The following UBE2E2 variants were observed in gnomAD, a reference collection of about 807,000 sequenced individuals.
The protein encoded by UBE2E2 is ubiquitin-conjugating enzyme E2 E2.
In UBE2E2, 6 loss-of-function variants were observed where a neutral mutation model predicts 24.7. The observed-to-expected ratio is 0.24, with a 90% CI of 0.13 to 0.48. The LOEUF (loss-of-function observed/expected upper bound fraction) is 0.48, where lower values mean the gene tolerates loss of function less well. Among genes scored for constraint, UBE2E2 ranks in the 20% least tolerant of loss-of-function variants. The pLI is 0.99. For missense variants in UBE2E2, 169 were observed against 245.0 expected (o/e 0.69, Z 2.07); for synonymous variants, 104 against 83.6 (o/e 1.24, Z -1.33).
intron 3 of UBE2E2, among the ~76,000 whole-genome samples, chr3:23,286,235 A>G (rs543146705): frequency 6.6e-6 from 1 of 152,314 alleles, no homozygotes; most frequent in South Asian, 2.1e-4. Context: ...GGTATTACTC[A>G]GGAAATCTTT....
Position 23,544,590 on chromosome 3 carries a change from A to G in UBE2E2, c.508+11889A>G, listed in dbSNP as rs528257509. On this transcript the variant is annotated intron_variant, in intron 5 of 5. Transcript: ENST00000396703. ...TGTGGTGTGAAGGGAATGCTTGTAC[A>G]CTGCTGGTGGGAATGTAAATTAGTA... Among the ~76,000 whole-genome samples the G allele has an allele frequency of 2.0e-5, 3 of 152,294 alleles. No individual in the cohort carries two copies. The East Asian group carries it at 5.8e-4, about 29-fold the overall frequency.
intron 3 of UBE2E2, among the ~76,000 whole-genome samples, chr3:23,393,124 G>A (rs1313047611): frequency 6.6e-6 from 1 of 152,198 alleles, no homozygotes; most frequent in Non-Finnish European, 1.5e-5. Flanking sequence ...TATGTGGGGA[G>A]CACAACCAGA....
intron 3 of UBE2E2, among the ~76,000 whole-genome samples, chr3:23,243,906 T>A (rs531368280): frequency 6.6e-6 from 1 of 152,256 alleles, no homozygotes; most frequent in South Asian, 2.1e-4. Flanking sequence ...TGCCTTAGGA[T>A]CGTTCTTTTA....
chr3:23,560,465 C>G lies in UBE2E2; in HGVS notation c.508+27764C>G, dbSNP rs559146311. On this transcript the variant is annotated intron_variant, in intron 5 of 5. Coordinates refer to ENST00000396703, the MANE Select transcript of UBE2E2 (RefSeq NM_152653.4). ...CCACATTTTCTTAATCCAGTCCATC[C>G]TTGATGGACATTTGGGTTGGTTCCA... Among the ~76,000 whole-genome samples the G allele has an allele frequency of 9.2e-5, 14 of 152,094 alleles. No homozygotes were observed. In the South Asian group the frequency reaches 2.5e-3, roughly 27 times the overall value.
intron 4 of UBE2E2, among the ~76,000 whole-genome samples, chr3:23,521,555 A>G (rs1038449086): frequency 6.6e-6 from 1 of 152,238 alleles, no homozygotes. Flanking sequence ...GCCCCACATA[A>G]TGGTTGTTAA....
At position 23,507,679 on chromosome 3, in the gene UBE2E2, G is replaced by T. The variant is rs562260285; in HGVS notation, c.360+7939G>T. Among the ~76,000 whole-genome samples, 191 of 152,274 alleles carry T rather than the reference G, an allele frequency of 1.3e-3. 1 individual carries two copies. The highest frequency in any genetic ancestry group is 4.2e-3 in the African/African-American group (173 of 41,546). On this transcript the variant is annotated intron_variant, in intron 4 of 5. Coordinates refer to ENST00000396703, the MANE Select transcript of UBE2E2 (RefSeq NM_152653.4). ...ATCTCCAATTATAGAGAAGGTTGAG[G>T]TTGCTTATATCCCTGGAAGAAGGAA...
At chr3:23,567,296 G>T (rs1451216996) in intron 5 of UBE2E2, among the ~76,000 whole-genome samples, 2 of 152,210 alleles carry the variant, frequency 1.3e-5, no homozygotes, top group African/African-American at 4.8e-5. Context: ...GGCTGAGGCA[G>T]GGGTAGGGGA....
At position 23,561,327 on chromosome 3, in the gene UBE2E2, G is replaced by A. The variant is rs200156340; in HGVS notation, c.509-28407G>A. ...TTCTCAGCACCATTTGTTAAATAGG[G>A]AATCCTTTCCCCATTTCTTGTTTTT... On this transcript the variant is annotated intron_variant, in intron 5 of 5. Transcript: ENST00000396703. Among the ~76,000 whole-genome samples, 215 of 152,254 alleles carry A rather than the reference G, an allele frequency of 1.4e-3. 5 individuals carry two copies. The East Asian group carries it at 0.015, about 11-fold the overall frequency.
chr3:23,203,190 C>A, upstream of UBE2E2: 1 of 985,958 alleles, frequency 1.0e-6, no homozygotes, highest in Non-Finnish European at 1.2e-6. Context: ...GCAGCCACAG[C>A]GACAGCCGCG....
chr3:23,257,809 G>C (rs895605711), intron 3 of UBE2E2, among the ~76,000 whole-genome samples: 1 of 151,630 alleles, frequency 6.6e-6, no homozygotes, highest in African/African-American at 2.4e-5. Flanking sequence ...ATATAGGCTG[G>C]CATTTGCTTT....
At chr3:23,334,979 A>G (rs774111947) in intron 3 of UBE2E2, among the ~76,000 whole-genome samples, 20 of 152,210 alleles carry the variant, frequency 1.3e-4, no homozygotes, top group Non-Finnish European at 2.5e-4. Context: ...TGAAAATTTG[A>G]GAGAAAGGAA....
chr3:23,299,413 G>T (rs1699007549), intron 3 of UBE2E2, among the ~76,000 whole-genome samples: 1 of 151,612 alleles, frequency 6.6e-6, no homozygotes, highest in Non-Finnish European at 1.5e-5. Context: ...TTTCTCTTGT[G>T]GGCATTTAGT....
intron 3 of UBE2E2, among the ~76,000 whole-genome samples, chr3:23,301,712 G>A (rs1699098058): frequency 1.3e-5 from 2 of 152,178 alleles, no homozygotes; most frequent in Non-Finnish European, 2.9e-5. Flanking sequence ...TGCCTCCCAG[G>A]TAGGCTACTT....
At chr3:23,204,245 T>C (rs1421849819) in intron 1 of UBE2E2, among the ~76,000 whole-genome samples, 1 of 151,944 alleles carries the variant, frequency 6.6e-6, no homozygotes, top group South Asian at 2.1e-4. Flanking sequence ...TCTTGTGGCT[T>C]TTTTCCCCCA....
chr3:23,500,523 G>A (rs13093140), intron 4 of UBE2E2, among the ~76,000 whole-genome samples: 5,941 of 152,224 alleles, frequency 0.039, 167 homozygotes, highest in Non-Finnish European at 0.066. Flanking sequence ...TATAGCAAAG[G>A]AAATGACCCT....
At chr3:23,278,091 A>G (rs188019111) in intron 3 of UBE2E2, among the ~76,000 whole-genome samples, 51 of 152,260 alleles carry the variant, frequency 3.3e-4, no homozygotes, top group Admixed American at 5.9e-4. Flanking sequence ...TGGAAAAGGT[A>G]TGCAAATAGA....
At chr3:23,493,894 A>C (rs1425738100) in intron 3 of UBE2E2, among the ~76,000 whole-genome samples, 1 of 152,224 alleles carries the variant, frequency 6.6e-6, no homozygotes, top group Non-Finnish European at 1.5e-5. Context: ...AGCAAGCACA[A>C]CAGCAACTGA....
chr3:23,270,996 A>C (rs1698226059), intron 3 of UBE2E2: 1 of 456,602 alleles, frequency 2.2e-6, no homozygotes, highest in Non-Finnish European at 4.4e-6. Flanking sequence ...CTTGTGAGTG[A>C]CTTGGAAGGA....
chr3:23,571,811 T>A (rs1229406445), intron 5 of UBE2E2, among the ~76,000 whole-genome samples: 1 of 152,176 alleles, frequency 6.6e-6, no homozygotes, highest in Non-Finnish European at 1.5e-5. Context: ...CCTCCCGAAG[T>A]GGCTTTGAGA....
Sources: gnomAD v4.1 joint callset for allele counts (sites outside exome capture counted in the v4.1 genomes callset) on GRCh38, gnomAD v4.1.1 for gene constraint, MANE v1.5 for transcripts, NCBI Gene and HGNC (gene_info 2026-07-23, HGNC 2026-07-21) for gene names.